The following MGAT5B variants were observed in gnomAD, a reference collection of about 807,000 sequenced individuals.
The protein encoded by MGAT5B is N-acetylglucosaminyl-transferase Vb.
In MGAT5B, 54 loss-of-function variants were observed where a neutral mutation model predicts 95.1. The ratio of observed to expected loss-of-function variants is 0.57; its 90% CI spans 0.46 to 0.71. The LOEUF is 0.71. Ranked by LOEUF, MGAT5B falls within the 30% of genes least tolerant of loss-of-function variation. MGAT5B has a pLI of 0.00. For missense variants in MGAT5B, 935 were observed against 1,088.6 expected (o/e 0.86, Z 1.99); for synonymous variants, 464 against 451.0 (o/e 1.03, Z -0.36).
At chr17:76,948,451 C>T (rs561437439) in intron 17 of MGAT5B, among the ~76,000 whole-genome samples, 189 bp from the exon 18 acceptor site, 49 of 152,336 alleles carry the variant, frequency 3.2e-4, no homozygotes, top group Non-Finnish European at 5.6e-4. Flanking sequence ...AGGCCCCTCT[C>T]TTCTCCAGGG....
intron 10 of MGAT5B, among the ~76,000 whole-genome samples, chr17:76,932,085 T>TCCCCCCC (rs34615968): frequency 8.2e-6 from 1 of 121,894 alleles, no homozygotes; most frequent in Non-Finnish European, 1.7e-5. Context: ...CTCCTCCTCC[T>TCCCCCCC]CCCCCCCCCC....
In MGAT5B at chr17:76,948,982, AGAG is replaced by A; in HGVS notation, c.*148_*150del. 1.0e-6 allele frequency: 1 copy of A among 985,998 alleles called. No individual in the cohort carries two copies. The allele number at this position is 985,998 out of a possible 1,614,324, so 61.1% of individuals were successfully genotyped here. ...TTCCTTCCTTAGCCGGGAAGCTGGC[AGAG>A]GAGAGCCGTGCCCGGGAATAGGAGG... is the stretch of plus-strand genomic sequence containing the variant. On this transcript the variant is annotated 3_prime_UTR_variant, in exon 18 of 18. Transcript: ENST00000569840.
chr17:76,932,503 C>A, intron 10 of MGAT5B, 142 bp from the exon 11 acceptor site: 2 of 1,212,992 alleles, frequency 1.6e-6, no homozygotes, highest in Admixed American at 5.0e-5. Flanking sequence ...GCACTGATTA[C>A]ACCCTCCCCA....
At chr17:76,885,076 G>A (rs2145142865) in intron 3 of MGAT5B, among the ~76,000 whole-genome samples, 1 of 152,314 alleles carries the variant, frequency 6.6e-6, no homozygotes, top group Non-Finnish European at 1.5e-5. Flanking sequence ...TCTGACTGCT[G>A]TGTGAAAACT....
At chr17:76,888,199 G>A (rs1042240622) in intron 3 of MGAT5B, among the ~76,000 whole-genome samples, 1 of 152,020 alleles carries the variant, frequency 6.6e-6, no homozygotes, top group African/African-American at 2.4e-5. Flanking sequence ...CTTGGGGAGG[G>A]GGCCTCCCCA....
In MGAT5B at chr17:76,946,396, C is replaced by G. The variant is rs8067984; in HGVS notation, c.1869C>G (p.Tyr623Ter). Residue 623 changes from tyrosine to a stop codon, truncating the protein, a stop_gained, in exon 16 of 18, where the codon TAC becomes TAG. Coordinates refer to ENST00000569840, the MANE Select transcript of MGAT5B (RefSeq NM_001199172.2). LOFTEE classifies it high-confidence loss of function. ...CACAGGTAGACCCCTACCTACCCTA[C>G]GAGTACACCTGCGAGGGGATGCTGG... Reference protein sequence around the residue: ...MRTQVDPYLPYEYTCEGMLER... With the variant: ...MRTQVDPYLP 6 of 1,606,054 alleles carry G rather than the reference C, an allele frequency of 3.7e-6. No homozygotes were observed. Among genetic ancestry groups the G allele is most frequent in the Non-Finnish European group, 1.7e-6 (2 of 1,175,884 alleles).
Position 76,938,151 on chromosome 17 carries a change from C to T in MGAT5B, c.1584+8C>T, listed in dbSNP as rs1969736352. On this transcript the variant is annotated splice_region_variant and intron_variant, in intron 13 of 17. Coordinates refer to ENST00000569840, the MANE Select transcript of MGAT5B (RefSeq NM_001199172.2). The surrounding 1 kb of genome is among the most constrained non-coding windows in gnomAD (Gnocchi z 4.3). ...CTGCTGCGCAAGGCCAAAGTGAGCT[C>T]CCATCCCCCGCACCATTCTCACACT... 1.2e-6 allele frequency: 2 copies of T among 1,613,636 alleles called. No individual in the cohort carries two copies. Among genetic ancestry groups the T allele is most frequent in the African/African-American group, 1.3e-5 (1 of 75,054 alleles).
intron 3 of MGAT5B, among the ~76,000 whole-genome samples, chr17:76,897,462 T>C (rs751626824): frequency 3.3e-5 from 5 of 152,172 alleles, no homozygotes; most frequent in Non-Finnish European, 7.3e-5. Flanking sequence ...TGGTGGATGC[T>C]GGCAGTGCCT....
At chr17:76,946,668 T>G (rs1161353929) in intron 16 of MGAT5B, among the ~76,000 whole-genome samples, 1 of 152,270 alleles carries the variant, frequency 6.6e-6, no homozygotes, top group Non-Finnish European at 1.5e-5. Context: ...GCACTCCTGC[T>G]GTCTGGGCCC....
intron 15 of MGAT5B, among the ~76,000 whole-genome samples, chr17:76,944,613 A>T (rs192072696): frequency 2.6e-5 from 4 of 152,072 alleles, no homozygotes; most frequent in Non-Finnish European, 4.4e-5. Flanking sequence ...TGGGCTGGGG[A>T]TGGGACCTGC....
intron 10 of MGAT5B, among the ~76,000 whole-genome samples, chr17:76,931,156 G>A (rs572024809): frequency 1.2e-4 from 19 of 152,324 alleles, no homozygotes; most frequent in African/African-American, 2.9e-4. Flanking sequence ...GAGTGTAGTG[G>A]CGTGATCTCA....
At chr17:76,909,748 G>A (rs557429931) in intron 8 of MGAT5B, among the ~76,000 whole-genome samples, 2 of 152,336 alleles carry the variant, frequency 1.3e-5, no homozygotes, top group South Asian at 4.1e-4. Context: ...GTGGGAGAAG[G>A]AGGCTGGGTC....
At chr17:76,892,929 AAGGCCCCAGGT>A (rs1432327427) in intron 3 of MGAT5B, among the ~76,000 whole-genome samples, 1 of 152,140 alleles carries the variant, frequency 6.6e-6, no homozygotes, top group Non-Finnish European at 1.5e-5. Context: ...GGGGTGGCCC[AAGGCCCCAGGT>A]AGAAAAGGAC....
intron 2 of MGAT5B, among the ~76,000 whole-genome samples, chr17:76,876,044 G>A (rs1420855789): frequency 3.9e-5 from 6 of 152,102 alleles, no homozygotes; most frequent in African/African-American, 1.2e-4. Context: ...ATCCCGACTC[G>A]CATTGTCCTC....
At chr17:76,928,408 T>C (rs1969381963) in intron 10 of MGAT5B, among the ~76,000 whole-genome samples, 3 of 151,928 alleles carry the variant, frequency 2.0e-5, no homozygotes, top group African/African-American at 7.3e-5. Flanking sequence ...TTAGATCACT[T>C]AGAAGGGAAG....
intron 2 of MGAT5B, among the ~76,000 whole-genome samples, chr17:76,876,459 GAA>G (rs34848815): frequency 7.6e-6 from 1 of 131,126 alleles, no homozygotes; most frequent in Admixed American, 7.6e-5. Flanking sequence ...CTGCTATTTA[GAA>G]AAAAAAAAAA....
At chr17:76,911,824 T>C (rs1968746635) in intron 8 of MGAT5B, among the ~76,000 whole-genome samples, 1 of 152,182 alleles carries the variant, frequency 6.6e-6, no homozygotes, top group African/African-American at 2.4e-5. Context: ...ACTGCAGGGC[T>C]TACACAGCAG....
chr17:76,929,536 TGATA>T (rs1409014773), intron 10 of MGAT5B, among the ~76,000 whole-genome samples: 5 of 152,234 alleles, frequency 3.3e-5, no homozygotes, highest in African/African-American at 1.2e-4. Context: ...TTCTTTTCCC[TGATA>T]GATCATGAGC....
chr17:76,919,257 G>A (rs992305154), intron 8 of MGAT5B, among the ~76,000 whole-genome samples: 9 of 152,158 alleles, frequency 5.9e-5, no homozygotes, highest in African/African-American at 2.2e-4. Flanking sequence ...GAGTGCCTGA[G>A]CCAGTCCTTC....
Sources: gnomAD v4.1 joint callset for allele counts (sites outside exome capture counted in the v4.1 genomes callset) on GRCh38, gnomAD v4.1.1 for gene constraint, Gnocchi (gnomAD v3.1) non-coding constraint, MANE v1.5 for transcripts, NCBI Gene and HGNC (gene_info 2026-07-23, HGNC 2026-07-21) for gene names.